CMTM4: variants seen among roughly 807,000 people sequenced by gnomAD.
The protein encoded by CMTM4 is CKLF-like MARVEL transmembrane domain-containing protein 4.
In CMTM4, 8 loss-of-function variants were observed where a neutral mutation model predicts 19.0. The ratio of observed to expected loss-of-function variants is 0.42; its 90% CI spans 0.25 to 0.76. The LOEUF (loss-of-function observed/expected upper bound fraction) is 0.76. CMTM4 is among the 30% of genes least tolerant of loss of function. CMTM4 has a pLI of 0.27. For missense variants in CMTM4, 228 were observed against 290.2 expected (o/e 0.79, Z 1.56); for synonymous variants, 106 against 121.1 (o/e 0.88, Z 0.82).
chr16:66,651,031 C>T (rs1033314775), intron 1 of CMTM4, among the ~76,000 whole-genome samples: 3 of 152,124 alleles, frequency 2.0e-5, no homozygotes, highest in East Asian at 3.9e-4. Flanking sequence ...ATCTGAAAGA[C>T]GAGACAGGGC....
At chr16:66,686,197 T>G (rs1207568868) in intron 1 of CMTM4, among the ~76,000 whole-genome samples, 1 of 149,578 alleles carries the variant, frequency 6.7e-6, no homozygotes, top group African/African-American at 2.5e-5. Flanking sequence ...GAGGTTGCAG[T>G]GAGCCGAGAT....
rs144898362 is a variant in CMTM4, at chr16:66,646,275, G to A, written c.187-9694C>T. Among the ~76,000 whole-genome samples the A allele has an allele frequency of 6.0e-4, 91 of 152,254 alleles. 1 individual carries two copies. The East Asian group carries it at 0.017, about 28-fold the overall frequency. ...ACCTCTCTATGGATTAGGATTAGGT[G>A]GGGAACAGGGGAATCACAGAGATTT... is the stretch of plus-strand genomic sequence containing the variant. On this transcript the variant is annotated intron_variant, in intron 1 of 3. Coordinates refer to ENST00000394106, the MANE Select transcript of CMTM4 (RefSeq NM_181521.3).
chr16:66,696,278 G>A lies in CMTM4; in HGVS notation c.186+62C>T. ...TACGCGGCGGAGGCCCCGCAGCGGG[G>A]CGGGGAGGGAGGCGTGCGGCTAGGC... On this transcript the variant is annotated intron_variant, in intron 1 of 3. Coordinates refer to ENST00000394106, the MANE Select transcript of CMTM4 (RefSeq NM_181521.3). The surrounding 1 kb of genome is among the most constrained non-coding windows in gnomAD (Gnocchi z 4.3). 1 of 1,176,256 alleles carries A rather than the reference G, an allele frequency of 8.5e-7. No individual in the cohort carries two copies. The allele number at this position is 1,176,256 out of a possible 1,614,324, so 72.9% of individuals were successfully genotyped here. A position where few individuals can be genotyped will look rare whatever the true frequency, so the allele number is the denominator to read the frequency against.
chr16:66,673,350 G>A (rs2016748485), intron 1 of CMTM4, among the ~76,000 whole-genome samples: 1 of 151,484 alleles, frequency 6.6e-6, no homozygotes, highest in South Asian at 2.1e-4. Context: ...TGGGACTACA[G>A]GCTCACACCA....
the CMTM4 span, chr16:66,604,880 C>G: frequency 2.8e-6 from 4 of 1,426,124 alleles, no homozygotes; most frequent in South Asian, 5.7e-5. Context: ...CCGCGGTCCC[C>G]GGGCTCCGCG....
At chr16:66,690,879 G>A (rs2144926526) in intron 1 of CMTM4, among the ~76,000 whole-genome samples, 1 of 152,212 alleles carries the variant, frequency 6.6e-6, no homozygotes, top group African/African-American at 2.4e-5. Flanking sequence ...GACCAAAACA[G>A]CAGGATTGCT....
At chr16:66,601,446 C>T in the CMTM4 span, among the ~76,000 whole-genome samples, 5 of 152,206 alleles carry the variant, frequency 3.3e-5, no homozygotes. Context: ...CCAACCTCTG[C>T]TCAGCTCTGG....
chr16:66,632,275 C>T (rs1342259359), intron 2 of CMTM4, among the ~76,000 whole-genome samples: 2 of 152,140 alleles, frequency 1.3e-5, no homozygotes, highest in Admixed American at 1.3e-4. Context: ...ACGGAGGCCC[C>T]GTCCCAGGCT....
At chr16:66,687,948 G>C (rs1395992571) in intron 1 of CMTM4, among the ~76,000 whole-genome samples, 1 of 151,998 alleles carries the variant, frequency 6.6e-6, no homozygotes, top group East Asian at 1.9e-4. Context: ...CGGCCTCCCA[G>C]AGTGCTGGGA....
chr16:66,668,353 T>C (rs569763951), intron 1 of CMTM4, among the ~76,000 whole-genome samples: 63 of 152,206 alleles, frequency 4.1e-4, no homozygotes, highest in African/African-American at 1.2e-3. Flanking sequence ...ACAAACTAAG[T>C]TCTGCTTATG....
intron 1 of CMTM4, among the ~76,000 whole-genome samples, chr16:66,678,805 T>A (rs148989822): frequency 1.3e-5 from 2 of 152,296 alleles, no homozygotes; most frequent in Non-Finnish European, 2.9e-5. Flanking sequence ...CATGATTTTA[T>A]CTTTAAAAAA....
intron 1 of CMTM4, among the ~76,000 whole-genome samples, chr16:66,680,570 C>T (rs650349): frequency 0.048 from 7,301 of 151,530 alleles, 279 homozygotes; most frequent in Admixed American, 0.11. Flanking sequence ...GTCAGGAGAT[C>T]GAGACCATCA....
At chr16:66,656,565 A>G (rs1190258707) in intron 1 of CMTM4, among the ~76,000 whole-genome samples, 1 of 152,018 alleles carries the variant, frequency 6.6e-6, no homozygotes, top group Non-Finnish European at 1.5e-5. Flanking sequence ...CATGTTGCCC[A>G]GGCTGTGAAA....
At chr16:66,610,232 T>C (rs2015326358), downstream of CMTM4, among the ~76,000 whole-genome samples, 1 of 152,142 alleles carries the variant, frequency 6.6e-6, no homozygotes, top group Non-Finnish European at 1.5e-5. The surrounding 1 kb of genome is among the most constrained non-coding windows in gnomAD (Gnocchi z 4.6). Flanking sequence ...GCAGTGGGCA[T>C]GGCTGAGCCT....
chr16:66,686,689 T>G (rs1204731594), intron 1 of CMTM4, among the ~76,000 whole-genome samples: 4 of 152,070 alleles, frequency 2.6e-5, no homozygotes, highest in Non-Finnish European at 5.9e-5. Context: ...ACTAGAAACC[T>G]GGAATAAACT....
At position 66,696,292 on chromosome 16, in the gene CMTM4, G is replaced by A. The variant is rs953128681; in HGVS notation, c.186+48C>T. 4.0e-6 allele frequency: 5 copies of A among 1,248,056 alleles called. No homozygotes were observed. Among genetic ancestry groups the A allele is most frequent in the South Asian group, 2.3e-5 (1 of 42,586 alleles). The allele number at this position is 1,248,056 out of a possible 1,614,324, so 77.3% of individuals were successfully genotyped here. A position where few individuals can be genotyped will look rare whatever the true frequency, so the allele number is the denominator to read the frequency against. On this transcript the variant is annotated intron_variant, in intron 1 of 3. Coordinates refer to ENST00000394106, the MANE Select transcript of CMTM4 (RefSeq NM_181521.3). The surrounding 1 kb of genome is among the most constrained non-coding windows in gnomAD (Gnocchi z 4.3). ...CCCGCAGCGGGGCGGGGAGGGAGGCGTGCGGCTAGGCCGCCCTCGGGCACC... is the reference window on the plus strand; with the variant it reads ...CCCGCAGCGGGGCGGGGAGGGAGGCATGCGGCTAGGCCGCCCTCGGGCACC...
chr16:66,609,605 G>A, the CMTM4 span: 1 of 1,522,390 alleles, frequency 6.6e-7, no homozygotes, highest in Non-Finnish European at 8.9e-7. This position sits in a 1 kb window ranked among gnomAD's most constrained non-coding sequence, Gnocchi z 4.4. Context: ...ACCTGGGGCA[G>A]AGCCTTTCCC....
chr16:66,674,211 A>G (rs1487582100), intron 1 of CMTM4, among the ~76,000 whole-genome samples: 1 of 152,218 alleles, frequency 6.6e-6, no homozygotes, highest in Non-Finnish European at 1.5e-5. Flanking sequence ...TTGACCAGAT[A>G]GATGGAAAAG....
At position 66,617,118 on chromosome 16, in the gene CMTM4, G is replaced by A; in HGVS notation, c.*4940C>T. The stretch of plus-strand genomic sequence containing the variant: ...TGGGGGTCCAAGCCAAAGGCTCCCT[G>A]GCCTTTGTGTATTATGCATCCCAAA... On this transcript the variant is annotated 3_prime_UTR_variant, in exon 4 of 4. Transcript: ENST00000394106. The A allele has an allele frequency of 1.6e-6, 1 of 636,080 alleles. No individual in the cohort carries two copies. Among genetic ancestry groups the A allele is most frequent in the Non-Finnish European group, 2.6e-6 (1 of 384,468 alleles). The allele number at this position is 636,080 out of a possible 1,614,324, so 39.4% of individuals were successfully genotyped here.
Sources: allele counts gnomAD v4.1 joint callset (sites outside exome capture counted in the v4.1 genomes callset), GRCh38; gene constraint gnomAD v4.1.1; non-coding constraint Gnocchi (gnomAD v3.1); transcripts MANE v1.5; gene names NCBI Gene and HGNC (gene_info 2026-07-23, HGNC 2026-07-21).